Variants in MIS18BP1 observed in about 807,000 individuals in gnomAD.
The protein encoded by MIS18BP1 is mis18-binding protein 1.
MIS18BP1 carries 72 observed loss-of-function variants against 116.1 expected under a neutral mutation model. That is an observed-to-expected ratio of 0.62 (90% CI 0.51 to 0.75). MIS18BP1 has a LOEUF of 0.75. MIS18BP1 is among the 30% of genes least tolerant of loss of function. The pLI is 0.00. For synonymous variants in MIS18BP1, 386 were observed against 427.0 expected, an observed-to-expected ratio of 0.90 and a Z score of 1.18; for missense variants, 1,363 against 1,303.2, an observed-to-expected ratio of 1.05 and a Z score of -0.71.
intron 8 of MIS18BP1, 139 bp from the exon 9 acceptor site, chr14:45,227,953 G>T: frequency 1.3e-6 from 1 of 772,340 alleles, no homozygotes; most frequent in Non-Finnish European, 2.1e-6. Flanking sequence ...GAGGGAGGAG[G>T]ATTGCTTGAG....
At chr14:45,221,261 ACC>A (rs1409220267) in intron 11 of MIS18BP1, among the ~76,000 whole-genome samples, 1 of 151,866 alleles carries the variant, frequency 6.6e-6, no homozygotes, top group Non-Finnish European at 1.5e-5. Context: ...ACACGGTGAA[ACC>A]CCGTCTCTAC....
intron 6 of MIS18BP1, among the ~76,000 whole-genome samples, chr14:45,234,073 A>G (rs926885388): frequency 6.6e-6 from 1 of 152,180 alleles, no homozygotes; most frequent in Non-Finnish European, 1.5e-5. Flanking sequence ...AAAAATTGGA[A>G]TATGGTATTA....
Position 45,203,977 on chromosome 14 carries a change from T to A in MIS18BP1, c.*132A>T, listed in dbSNP as rs1329233181. ...GGATATTTTACTTTGAACACAAACATATGAAACCTTCAAAAAAGTCCACAT... is the reference window on the plus strand; with the variant it reads ...GGATATTTTACTTTGAACACAAACAAATGAAACCTTCAAAAAAGTCCACAT... On this transcript the variant is annotated 3_prime_UTR_variant, in exon 17 of 17. Transcript: ENST00000310806. The A allele has an allele frequency of 7.5e-7, 1 of 1,340,806 alleles. No individual in the cohort carries two copies. Among genetic ancestry groups the A allele is most frequent in the Non-Finnish European group, 1.0e-6 (1 of 1,003,144 alleles). 83.1% of individuals were successfully genotyped at this position (1,340,806 alleles called of 1,614,324 possible).
chr14:45,237,561 G>T, intron 5 of MIS18BP1, 87 bp downstream of exon 5: 1 of 1,452,154 alleles, frequency 6.9e-7, no homozygotes, highest in Non-Finnish European at 9.2e-7. Flanking sequence ...TTTGCTTTGT[G>T]GAGGATGCTA....
intron 9 of MIS18BP1, 103 bp downstream of exon 9, chr14:45,227,560 A>AC: frequency 2.8e-6 from 3 of 1,054,150 alleles, no homozygotes; most frequent in Admixed American, 2.5e-5. Flanking sequence ...AAAAAAAAAA[A>AC]AAAAACAGAA....
At chr14:45,244,914 C>T (rs933154792) in intron 2 of MIS18BP1, among the ~76,000 whole-genome samples, 8 of 152,194 alleles carry the variant, frequency 5.3e-5, no homozygotes, top group Non-Finnish European at 2.9e-5. Context: ...TATATTTCCT[C>T]TCAACTACTG....
At chr14:45,225,794 A>T (rs940839156) in intron 10 of MIS18BP1, among the ~76,000 whole-genome samples, 2 of 152,176 alleles carry the variant, frequency 1.3e-5, no homozygotes, top group African/African-American at 4.8e-5. Context: ...AATACATATA[A>T]ACTGCAAATC....
intron 11 of MIS18BP1, among the ~76,000 whole-genome samples, chr14:45,222,416 A>G (rs1486141768): frequency 6.6e-6 from 1 of 152,194 alleles, no homozygotes; most frequent in African/African-American, 2.4e-5. Context: ...GACATTAAAT[A>G]TACTTAACTT....
chr14:45,203,276 T>C lies in MIS18BP1; in HGVS notation c.*833A>G, dbSNP rs1261698023. 1 of 152,168 alleles carries C rather than the reference T, an allele frequency of 6.6e-6. No homozygotes were observed. The highest frequency in any genetic ancestry group is 2.4e-5 in the African/African-American group (1 of 41,424). The allele number at this position is 152,168 out of a possible 1,614,324, so 9.4% of individuals were successfully genotyped here. ...GTGTAGCCAGAGGGAAAATATCCTATGTCAAGTTTCAAAACATAACAAGCA... is the reference window on the plus strand; with the variant it reads ...GTGTAGCCAGAGGGAAAATATCCTACGTCAAGTTTCAAAACATAACAAGCA... On this transcript the variant is annotated 3_prime_UTR_variant, in exon 17 of 17. Transcript: ENST00000310806.
intron 4 of MIS18BP1, among the ~76,000 whole-genome samples, chr14:45,240,114 A>G (rs1891535608): frequency 6.6e-6 from 1 of 152,046 alleles, no homozygotes; most frequent in Admixed American, 6.5e-5. Context: ...AACATATTGG[A>G]GAGCTATCAG....
chr14:45,228,269 T>C (rs1380478081), intron 8 of MIS18BP1, among the ~76,000 whole-genome samples: 3 of 152,228 alleles, frequency 2.0e-5, no homozygotes, highest in Non-Finnish European at 4.4e-5. Context: ...TGTATAGCGC[T>C]ACGCTACATT....
At chr14:45,218,132 T>C in intron 12 of MIS18BP1, 150 bp downstream of exon 12, 1 of 889,476 alleles carries the variant, frequency 1.1e-6, no homozygotes, top group East Asian at 2.9e-5. Flanking sequence ...ACTTAAAAAT[T>C]AAACAGATGA....
intron 11 of MIS18BP1, among the ~76,000 whole-genome samples, chr14:45,223,654 T>C (rs193300482): frequency 3.3e-5 from 5 of 152,320 alleles, no homozygotes; most frequent in Admixed American, 6.5e-5. Context: ...ACTATTTGGC[T>C]ATCTTGAAAT....
intron 2 of MIS18BP1, among the ~76,000 whole-genome samples, chr14:45,244,573 C>A (rs1891675871): frequency 6.6e-6 from 1 of 152,302 alleles, no homozygotes; most frequent in African/African-American, 2.4e-5. Flanking sequence ...CCCCCCAATT[C>A]TACACCAGCA....
chr14:45,218,716 G>T (rs993041531), intron 11 of MIS18BP1, among the ~76,000 whole-genome samples: 1 of 151,262 alleles, frequency 6.6e-6, no homozygotes. Context: ...CCTGAAAAAT[G>T]ACCCTCAGCC....
intron 7 of MIS18BP1, among the ~76,000 whole-genome samples, chr14:45,231,754 GA>G (rs578231697): frequency 6.6e-6 from 1 of 152,100 alleles, no homozygotes; most frequent in Non-Finnish European, 1.5e-5. Context: ...GCCCTTTACA[GA>G]AAAAAACTGC....
intron 14 of MIS18BP1, chr14:45,210,060 A>C (rs1335360267): frequency 1.6e-5 from 3 of 187,042 alleles, no homozygotes; most frequent in Non-Finnish European, 3.2e-5. Flanking sequence ...TATAGTTAGA[A>C]AGACCATCAC....
At chr14:45,245,237 T>G (rs1454430719) in intron 2 of MIS18BP1, among the ~76,000 whole-genome samples, 2 of 152,158 alleles carry the variant, frequency 1.3e-5, no homozygotes, top group Non-Finnish European at 2.9e-5. Context: ...ACTTGACCAA[T>G]TAGGAGCATT....
chr14:45,211,673 C>CA (rs1160026618), intron 13 of MIS18BP1, among the ~76,000 whole-genome samples: 1 of 152,148 alleles, frequency 6.6e-6, no homozygotes, highest in Admixed American at 6.5e-5. Context: ...TTTGGTGGCC[C>CA]ATACAGGGAG....
Sources: gnomAD v4.1 joint callset for allele counts (sites outside exome capture counted in the v4.1 genomes callset) on GRCh38, gnomAD v4.1.1 for gene constraint, MANE v1.5 for transcripts, NCBI Gene and HGNC (gene_info 2026-07-23, HGNC 2026-07-21) for gene names.